The following VRK2 variants were observed in gnomAD, a reference collection of about 807,000 sequenced individuals.
VRK2 encodes serine/threonine-protein kinase VRK2.
Under a neutral mutation model 57.6 loss-of-function variants are expected in VRK2, and 60 were observed. That is an observed-to-expected ratio of 1.04 (90% CI 0.85 to 1.29). VRK2 has a LOEUF of 1.29. Ranked by LOEUF, VRK2 falls within the 50% of genes most tolerant of loss-of-function variation. The probability of loss-of-function intolerance (pLI) is 0.00; values close to 1 mark genes in which losing one functional copy is unlikely to be tolerated. For missense variants in VRK2, 705 were observed against 588.1 expected, an observed-to-expected ratio of 1.20 and a Z score of -2.06; for synonymous variants, 231 against 199.2, an observed-to-expected ratio of 1.16 and a Z score of -1.35.
At chr2:58,068,295 A>T (rs923786692) in intron 2 of VRK2, among the ~76,000 whole-genome samples, 3 of 152,064 alleles carry the variant, frequency 2.0e-5, no homozygotes, top group African/African-American at 7.2e-5. Flanking sequence ...TTCACCTGAG[A>T]ATGTCTTCAT....
At chr2:58,062,142 T>C (rs1164416865) in intron 2 of VRK2, among the ~76,000 whole-genome samples, 1 of 152,066 alleles carries the variant, frequency 6.6e-6, no homozygotes, top group Non-Finnish European at 1.5e-5. Flanking sequence ...TTTTTTGTTA[T>C]TATATCTGTT....
At chr2:58,093,253 T>G (rs1176796887) in intron 7 of VRK2, among the ~76,000 whole-genome samples, 3 of 152,276 alleles carry the variant, frequency 2.0e-5, no homozygotes, top group East Asian at 1.9e-4. Flanking sequence ...ACTTCCACAA[T>G]GGTTGAACTA....
intron 2 of VRK2, among the ~76,000 whole-genome samples, chr2:58,067,061 T>A (rs1572923404): frequency 6.6e-6 from 1 of 152,182 alleles, no homozygotes; most frequent in African/African-American, 2.4e-5. Context: ...TTGCTGAGTG[T>A]TCCAACCCTC....
intron 12 of VRK2, among the ~76,000 whole-genome samples, chr2:58,154,540 G>T (rs1177954722): frequency 6.6e-6 from 1 of 151,650 alleles, no homozygotes; most frequent in Non-Finnish European, 1.5e-5. Flanking sequence ...CAAATATTTA[G>T]TATTATAAAT....
intron 2 of VRK2, among the ~76,000 whole-genome samples, chr2:58,082,326 A>G (rs753056153): frequency 5.3e-5 from 8 of 151,490 alleles, no homozygotes; most frequent in Non-Finnish European, 1.0e-4. Flanking sequence ...GAAACTCCCA[A>G]TTTTCTTCTG....
intron 1 of VRK2, among the ~76,000 whole-genome samples, chr2:57,929,185 C>G (rs1670638284): frequency 6.6e-6 from 1 of 152,194 alleles, no homozygotes; most frequent in Non-Finnish European, 1.5e-5. Flanking sequence ...GAGATGCTGT[C>G]CAGGAGCCAG....
chr2:58,086,211 G>GA (rs150862021), intron 4 of VRK2, 128 bp from the exon 5 acceptor site: 23 of 753,390 alleles, frequency 3.1e-5, no homozygotes, highest in African/African-American at 5.5e-5. Context: ...ATGTTTGATT[G>GA]AAAAAAAATT....
chr2:58,073,935 C>G (rs1488297819), intron 2 of VRK2, among the ~76,000 whole-genome samples: 1 of 151,974 alleles, frequency 6.6e-6, no homozygotes, highest in African/African-American at 2.4e-5. Flanking sequence ...ATTGGGCCCA[C>G]CCAGATTAAG....
intron 9 of VRK2, among the ~76,000 whole-genome samples, chr2:58,132,807 A>C (rs550288747): frequency 8.5e-5 from 13 of 152,332 alleles, no homozygotes; most frequent in African/African-American, 2.9e-4. Flanking sequence ...ATTCAGAAAA[A>C]TACATATTAC....
rs572873218 is a variant in VRK2 at position 58,003,294 on chromosome 2, T to C, written c.-438-22371T>C. On this transcript the variant is annotated intron_variant, in intron 1 of 15. Coordinates refer to the VRK2 transcript ENST00000417641. ...GACAAAATATGGGTTCCATATAATGTATCTTGACTGCTTACTATTATTTAT... is the reference window on the plus strand; with the variant it reads ...GACAAAATATGGGTTCCATATAATGCATCTTGACTGCTTACTATTATTTAT... Among the ~76,000 whole-genome samples, 7 of 152,302 alleles carry C rather than the reference T, an allele frequency of 4.6e-5. No homozygotes were observed. The East Asian group carries it at 1.2e-3, about 25-fold the overall frequency.
At chr2:58,126,475 A>G (rs17049355) in intron 8 of VRK2, among the ~76,000 whole-genome samples, 5,405 of 152,164 alleles carry the variant, frequency 0.036, 329 homozygotes, top group African/African-American at 0.12. Flanking sequence ...ATAAAAGGAG[A>G]GTAGTTGAAA....
chr2:58,068,046 C>T (rs1398092930), intron 2 of VRK2, among the ~76,000 whole-genome samples: 1 of 152,048 alleles, frequency 6.6e-6, no homozygotes, highest in East Asian at 1.9e-4. Context: ...TCCCCTGCCT[C>T]AGCCTCTCAA....
At chr2:57,935,324 G>T (rs1476284600) in intron 1 of VRK2, among the ~76,000 whole-genome samples, 4 of 151,868 alleles carry the variant, frequency 2.6e-5, no homozygotes, top group Admixed American at 6.6e-5. Flanking sequence ...CTCTTGGTGG[G>T]GTGTGGGGGA....
intron 1 of VRK2, among the ~76,000 whole-genome samples, chr2:57,910,042 T>C (rs1470604924): frequency 6.6e-6 from 1 of 151,620 alleles, no homozygotes; most frequent in Non-Finnish European, 1.5e-5. Context: ...ATTAAAATGG[T>C]AAATCACTTG....
upstream of VRK2, among the ~76,000 whole-genome samples, chr2:58,044,833 G>A (rs1355239435): frequency 3.3e-5 from 5 of 152,206 alleles, no homozygotes; most frequent in South Asian, 8.3e-4. Flanking sequence ...GTAGATCAGT[G>A]TTCTTTTCAA....
intron 7 of VRK2, among the ~76,000 whole-genome samples, chr2:58,105,528 G>A (rs1027465333): frequency 6.6e-6 from 1 of 151,624 alleles, no homozygotes; most frequent in South Asian, 2.1e-4. Flanking sequence ...TAGCTATTAT[G>A]AGAAAGACAA....
intron 10 of VRK2, among the ~76,000 whole-genome samples, chr2:58,136,775 TA>T (rs1680089355): frequency 6.9e-6 from 1 of 144,760 alleles, no homozygotes; most frequent in Non-Finnish European, 1.5e-5. Context: ...ATATATATCA[TA>T]TATATGTGTA....
intron 12 of VRK2, among the ~76,000 whole-genome samples, chr2:58,157,306 A>G (rs1208485464): frequency 6.6e-6 from 1 of 152,162 alleles, no homozygotes; most frequent in African/African-American, 2.4e-5. Flanking sequence ...GTTAATAACT[A>G]TTCTAATGTA....
chr2:58,078,615 C>T (rs968017759), intron 2 of VRK2, among the ~76,000 whole-genome samples: 2 of 152,042 alleles, frequency 1.3e-5, no homozygotes, highest in African/African-American at 2.4e-5. Context: ...ATCCCATCAA[C>T]GGTGCACAAG....
Sources: gnomAD v4.1 joint callset for allele counts (sites outside exome capture counted in the v4.1 genomes callset) on GRCh38, gnomAD v4.1.1 for gene constraint, MANE v1.5 for transcripts, NCBI Gene and HGNC (gene_info 2026-07-23, HGNC 2026-07-21) for gene names.